Variants in CAMK1D observed in about 807,000 individuals in gnomAD.
CAMK1D encodes calcium/calmodulin dependent protein kinase ID, also known as calcium/calmodulin-dependent protein kinase type 1D.
CAMK1D carries 9 observed loss-of-function variants against 47.7 expected under a neutral mutation model. The ratio of observed to expected loss-of-function variants is 0.19; its 90% CI spans 0.11 to 0.33. The LOEUF is 0.33. Among genes scored for constraint, CAMK1D ranks in the 10% least tolerant of loss-of-function variants. The pLI is 1.00. For synonymous variants in CAMK1D, 184 were observed against 184.9 expected, an observed-to-expected ratio of 0.99 and a Z score of 0.04; for missense variants, 291 against 488.7, an observed-to-expected ratio of 0.60 and a Z score of 3.81.
intron 3 of CAMK1D, among the ~76,000 whole-genome samples, chr10:12,742,217 C>T (rs941635237): frequency 3.9e-5 from 6 of 152,228 alleles, no homozygotes; most frequent in Non-Finnish European, 7.3e-5. Context: ...CTCACCACAG[C>T]CTCAAACTCC....
chr10:12,479,675 C>T (rs1834006752), intron 1 of CAMK1D, among the ~76,000 whole-genome samples: 1 of 152,190 alleles, frequency 6.6e-6, no homozygotes, highest in South Asian at 2.1e-4. Flanking sequence ...GTATGTACAG[C>T]TCAGGAGCCC....
chr10:12,780,292 C>T (rs567565251), intron 5 of CAMK1D, among the ~76,000 whole-genome samples: 3 of 152,218 alleles, frequency 2.0e-5, no homozygotes, highest in Admixed American at 6.5e-5. Flanking sequence ...TAAGCGTCCT[C>T]CTCTGTCTGC....
intron 1 of CAMK1D, among the ~76,000 whole-genome samples, chr10:12,515,437 C>G (rs1220602898): frequency 1.8e-5 from 1 of 55,210 alleles, no homozygotes; most frequent in East Asian, 3.5e-4. Flanking sequence ...TTTCATTATA[C>G]TTTAAGTTTT....
chr10:12,493,352 G>A (rs546574999), intron 1 of CAMK1D, among the ~76,000 whole-genome samples: 7 of 152,300 alleles, frequency 4.6e-5, no homozygotes, highest in African/African-American at 1.4e-4. Context: ...ACCTTTCAGC[G>A]TGCTGGGGCA....
intron 6 of CAMK1D, among the ~76,000 whole-genome samples, chr10:12,794,247 T>C (rs935387262): frequency 6.6e-6 from 1 of 151,712 alleles, no homozygotes; most frequent in Non-Finnish European, 1.5e-5. Flanking sequence ...ATCCAAGGAG[T>C]TGGCTTAAAT....
rs554795427 is a variant in CAMK1D at position 12,692,039 on chromosome 10, C to T, written c.299+25229C>T. ...GGCTTTTATGACTGACAGAGTTTAA[C>T]GACCTGGCAGCTTCTGTTTTGCTCA... is the stretch of plus-strand genomic sequence containing the variant. On this transcript the variant is annotated intron_variant, in intron 3 of 10. Transcript: ENST00000619168. Among the ~76,000 whole-genome samples, 19 of 152,264 alleles carry T rather than the reference C, an allele frequency of 1.2e-4. No homozygotes were observed. In the South Asian group the frequency reaches 1.9e-3, roughly 15 times the overall value.
chr10:12,426,872 G>A (rs565880953), intron 1 of CAMK1D, among the ~76,000 whole-genome samples: 40 of 152,014 alleles, frequency 2.6e-4, no homozygotes, highest in African/African-American at 7.7e-4. Flanking sequence ...ATGCCACCAC[G>A]CCCAGCTAAT....
At chr10:12,451,637 G>A (rs919258386) in intron 1 of CAMK1D, among the ~76,000 whole-genome samples, 2 of 152,202 alleles carry the variant, frequency 1.3e-5, no homozygotes, top group Non-Finnish European at 2.9e-5. Flanking sequence ...TACATGATAT[G>A]CATTTCTTGA....
At chr10:12,685,225 G>A (rs191886487) in intron 3 of CAMK1D, among the ~76,000 whole-genome samples, 27 of 152,260 alleles carry the variant, frequency 1.8e-4, no homozygotes, top group African/African-American at 2.6e-4. Flanking sequence ...CACTTGAACC[G>A]GAGAGGCGGA....
intron 1 of CAMK1D, among the ~76,000 whole-genome samples, chr10:12,415,016 A>T (rs1839793944): frequency 6.6e-6 from 1 of 152,024 alleles, no homozygotes; most frequent in African/African-American, 2.4e-5. Flanking sequence ...TAGATCCGTT[A>T]TGTTTCCCAG....
chr10:12,362,671 T>C (rs887702788), intron 1 of CAMK1D, among the ~76,000 whole-genome samples: 2 of 152,108 alleles, frequency 1.3e-5, no homozygotes, highest in South Asian at 2.1e-4. Context: ...CTAATTTTTA[T>C]TTTTTATTTT....
At chr10:12,555,960 CT>C (rs1199946529) in intron 2 of CAMK1D, among the ~76,000 whole-genome samples, 19 of 152,212 alleles carry the variant, frequency 1.2e-4, no homozygotes, top group Admixed American at 1.2e-3. Flanking sequence ...CAAATAATCA[CT>C]TCCAGGGAGA....
chr10:12,399,680 G>C (rs1001539720), intron 1 of CAMK1D, among the ~76,000 whole-genome samples: 5 of 152,160 alleles, frequency 3.3e-5, no homozygotes, highest in African/African-American at 1.2e-4. Context: ...CACAGTTTTT[G>C]TGGATTCTGT....
chr10:12,581,347 A>C (rs932625107), intron 2 of CAMK1D, among the ~76,000 whole-genome samples: 2 of 152,286 alleles, frequency 1.3e-5, no homozygotes, highest in Non-Finnish European at 2.9e-5. Context: ...TGCTATAAAC[A>C]TGCATGTGCA....
chr10:12,646,543 A>G (rs959836478), intron 2 of CAMK1D, among the ~76,000 whole-genome samples: 3 of 152,154 alleles, frequency 2.0e-5, no homozygotes, highest in Non-Finnish European at 4.4e-5. Flanking sequence ...TAACAGTGAG[A>G]CCTTGAGAAA....
rs529219645 is a variant in CAMK1D, at chr10:12,356,242, G to C, written c.92+6332G>C. On this transcript the variant is annotated intron_variant, in intron 1 of 10. Coordinates refer to ENST00000619168, the MANE Select transcript of CAMK1D (RefSeq NM_153498.4). ...CGGATGTGTTTTAAAGGTGGAGCTG[G>C]TAGGAATTGCTGGTGGACTGGATGT... Among the ~76,000 whole-genome samples the C allele has an allele frequency of 2.0e-5, 3 of 152,274 alleles. No homozygotes were observed. The East Asian group carries it at 5.8e-4, about 29-fold the overall frequency.
At position 12,384,462 on chromosome 10, in the gene CAMK1D, A is replaced by G. The variant is rs116922855; in HGVS notation, c.92+34552A>G. Among the ~76,000 whole-genome samples the G allele has an allele frequency of 4.3e-3, 656 of 152,356 alleles. 10 individuals are homozygous for G. The East Asian group carries it at 0.057, about 13-fold the overall frequency. On this transcript the variant is annotated intron_variant, in intron 1 of 10. Coordinates refer to ENST00000619168, the MANE Select transcript of CAMK1D (RefSeq NM_153498.4). The stretch of plus-strand genomic sequence containing the variant: ...AAAAACTTACTACAGAGCTACAGTA[A>G]TCAAGACAGTGTGGTCCTGGTGTAT...
At chr10:12,551,850 C>G (rs941854271) in intron 1 of CAMK1D, among the ~76,000 whole-genome samples, 2 of 152,226 alleles carry the variant, frequency 1.3e-5, no homozygotes, top group Non-Finnish European at 1.5e-5. Context: ...GTCCCTGATG[C>G]CAAAAAGGTT....
In CAMK1D at chr10:12,541,504, C is replaced by T. The variant is rs185809221; in HGVS notation, c.93-11721C>T. On this transcript the variant is annotated intron_variant, in intron 1 of 10. Coordinates refer to ENST00000619168, the MANE Select transcript of CAMK1D (RefSeq NM_153498.4). ...TCAGCCTCCTGAGTAGCTGGGATTA[C>T]AGGCGTGTGCCACCACGCCTGGCTA... Among the ~76,000 whole-genome samples, 10 of 152,240 alleles carry T rather than the reference C, an allele frequency of 6.6e-5. No homozygotes were observed. The East Asian group carries it at 1.7e-3, about 27-fold the overall frequency.
Sources: allele counts gnomAD v4.1 joint callset (sites outside exome capture counted in the v4.1 genomes callset), GRCh38; gene constraint gnomAD v4.1.1; transcripts MANE v1.5; gene names NCBI Gene and HGNC (gene_info 2026-07-23, HGNC 2026-07-21).